The following STXBP5L variants were observed in gnomAD, a reference collection of about 807,000 sequenced individuals.
STXBP5L encodes syntaxin-binding protein 5-like.
Under a neutral mutation model 144.5 loss-of-function variants are expected in STXBP5L, and 65 were observed. That is an observed-to-expected ratio of 0.45 (90% CI 0.37 to 0.55). The LOEUF is 0.55. Ranked by LOEUF, STXBP5L falls within the 20% of genes least tolerant of loss-of-function variation. The pLI is 0.00. For synonymous variants in STXBP5L, 505 were observed against 469.6 expected, an observed-to-expected ratio of 1.08 and a Z score of -0.97; for missense variants, 1,298 against 1,405.5, an observed-to-expected ratio of 0.92 and a Z score of 1.22.
intron 3 of STXBP5L, among the ~76,000 whole-genome samples, chr3:120,996,807 C>T (rs1943384858): frequency 6.6e-6 from 1 of 151,962 alleles, no homozygotes; most frequent in African/African-American, 2.4e-5. Context: ...TCTTGCTTTC[C>T]AACTTTTATT....
chr3:121,406,224 G>A (rs1402501259), intron 22 of STXBP5L, among the ~76,000 whole-genome samples: 1 of 152,004 alleles, frequency 6.6e-6, no homozygotes, highest in African/African-American at 2.4e-5. Context: ...TAGTTTTGAA[G>A]TGGATTTAAA....
At chr3:121,413,685 CTT>C (rs1215342855) in intron 24 of STXBP5L, among the ~76,000 whole-genome samples, 1 of 152,062 alleles carries the variant, frequency 6.6e-6, no homozygotes. Flanking sequence ...TTCAAGAACT[CTT>C]GAAGAAACCT....
At chr3:121,267,825 A>G (rs2050619505) in intron 18 of STXBP5L, among the ~76,000 whole-genome samples, 1 of 152,234 alleles carries the variant, frequency 6.6e-6, no homozygotes, top group East Asian at 1.9e-4. Context: ...ATCACTGGTC[A>G]TTAGAGAAAT....
At chr3:120,962,518 A>G (rs986830799) in intron 3 of STXBP5L, among the ~76,000 whole-genome samples, 4 of 152,158 alleles carry the variant, frequency 2.6e-5, no homozygotes, top group Admixed American at 6.5e-5. Context: ...TCCCAGCATC[A>G]TTTATTAAAT....
rs2044168044 is a variant in STXBP5L, at chr3:121,114,957, A to C, written c.503A>C (p.Lys168Thr). 3 of 1,586,334 alleles carry C rather than the reference A, an allele frequency of 1.9e-6. No homozygotes were observed. Among genetic ancestry groups the C allele is most frequent in the African/African-American group, 1.4e-5 (1 of 73,914 alleles). ...TACTGTCATCTACCTTTCCAGAGTA[A>C]ATGGCTTTATGTTGGAACAGAAAGA... ...ITYCHLPFQSKWLYVGTERGN... is the reference protein window; with the variant it reads ...ITYCHLPFQSTWLYVGTERGN... Residue 168 changes from lysine to threonine, a missense_variant, in exon 6 of 27, where the codon AAA (lysine) becomes ACA (threonine). By Grantham distance (78) the Lys-to-Thr change is moderately conservative. Coordinates refer to ENST00000471454, the MANE Select transcript of STXBP5L (RefSeq NM_001308330.2).
intron 3 of STXBP5L, among the ~76,000 whole-genome samples, chr3:121,009,478 C>T (rs558827074): frequency 3.9e-5 from 6 of 152,090 alleles, no homozygotes; most frequent in African/African-American, 1.4e-4. Context: ...GGGAGGAATT[C>T]CCTTCACCAC....
At chr3:121,012,723 G>A (rs908158669) in intron 3 of STXBP5L, among the ~76,000 whole-genome samples, 1 of 151,816 alleles carries the variant, frequency 6.6e-6, no homozygotes, top group African/African-American at 2.4e-5. Flanking sequence ...ATGTGCATGT[G>A]CAGGTTTGTT....
At chr3:121,096,558 G>A (rs541237513) in intron 5 of STXBP5L, among the ~76,000 whole-genome samples, 9 of 152,092 alleles carry the variant, frequency 5.9e-5, no homozygotes, top group South Asian at 2.1e-4. Flanking sequence ...TGTGCTATTC[G>A]TTTCTGTTTG....
chr3:121,378,069 A>G (rs1046040774), intron 20 of STXBP5L, among the ~76,000 whole-genome samples: 1 of 152,188 alleles, frequency 6.6e-6, no homozygotes, highest in Non-Finnish European at 1.5e-5. Flanking sequence ...TAACACAGGA[A>G]CAGAAAACCA....
chr3:121,265,721 C>T (rs577729173), intron 18 of STXBP5L, among the ~76,000 whole-genome samples: 35 of 152,050 alleles, frequency 2.3e-4, no homozygotes, highest in African/African-American at 8.2e-4. Flanking sequence ...AAATAGACCA[C>T]TAGCCAGATG....
At position 121,407,708 on chromosome 3, in the gene STXBP5L, A is replaced by G. The variant is rs941157885; in HGVS notation, c.2948+105A>G. The G allele has an allele frequency of 1.6e-5, 23 of 1,402,684 alleles. No homozygotes were observed. The African/African-American group carries it at 2.3e-4, about 14-fold the overall frequency. 86.9% of individuals were successfully genotyped at this position (1,402,684 alleles called of 1,614,324 possible). A position where few individuals can be genotyped will look rare whatever the true frequency, so the allele number is the denominator to read the frequency against. On this transcript the variant is annotated intron_variant, in intron 23 of 26. Transcript: ENST00000471454. ...GCAGATGTTATCAAGAAGCAAACTG[A>G]GATTATTGTTTCATTATGTTTCTGG...
intron 5 of STXBP5L, among the ~76,000 whole-genome samples, chr3:121,055,475 G>T (rs186651285): frequency 1.3e-5 from 2 of 152,092 alleles, no homozygotes; most frequent in Admixed American, 1.3e-4. Context: ...GCCTTAGATT[G>T]TTAAGTAATA....
At chr3:121,065,738 A>C (rs1381414354) in intron 5 of STXBP5L, among the ~76,000 whole-genome samples, 1 of 152,138 alleles carries the variant, frequency 6.6e-6, no homozygotes, top group East Asian at 1.9e-4. Context: ...TAAAAAATAT[A>C]TATTATTAGC....
At chr3:120,946,566 A>G (rs1253121635) in intron 2 of STXBP5L, among the ~76,000 whole-genome samples, 2 of 151,684 alleles carry the variant, frequency 1.3e-5, no homozygotes, top group African/African-American at 4.8e-5. Flanking sequence ...TTAGTATAGA[A>G]GGGAAAAATG....
intron 9 of STXBP5L, among the ~76,000 whole-genome samples, chr3:121,176,013 A>G (rs1374641181): frequency 1.3e-5 from 2 of 152,148 alleles, no homozygotes; most frequent in Admixed American, 6.5e-5. Context: ...TCAAGAAGAC[A>G]TAATAATGCT....
At chr3:121,280,036 C>T (rs2051007333) in intron 19 of STXBP5L, 80 bp downstream of exon 19, 1 of 1,486,762 alleles carries the variant, frequency 6.7e-7, no homozygotes, top group East Asian at 2.3e-5. Flanking sequence ...TCTTTCTTCT[C>T]TGATACTATT....
In STXBP5L at chr3:121,278,460, C is replaced by T. The variant is rs144944971; in HGVS notation, c.1959-1345C>T. ...TATAGAATGTCATGCATCCTAGTTG[C>T]CTACATTTTTTCAGTCATTATTGCA... On this transcript the variant is annotated intron_variant, in intron 18 of 26. Coordinates refer to ENST00000471454, the MANE Select transcript of STXBP5L (RefSeq NM_001308330.2). Among the ~76,000 whole-genome samples the T allele has an allele frequency of 1.3e-4, 19 of 151,930 alleles. No individual in the cohort carries two copies. The East Asian group carries it at 1.7e-3, about 14-fold the overall frequency.
chr3:120,961,844 G>A (rs568512475), intron 3 of STXBP5L, among the ~76,000 whole-genome samples: 15 of 152,240 alleles, frequency 9.9e-5, no homozygotes, highest in Non-Finnish European at 1.8e-4. Flanking sequence ...TTGAGGAATC[G>A]CCACACTGTC....
chr3:121,049,551 C>A, intron 5 of STXBP5L: 1 of 154,504 alleles, frequency 6.5e-6, no homozygotes, highest in Non-Finnish European at 1.5e-5. Context: ...TGGTCTGCCT[C>A]TCCCTCTAGA....
Sources: gnomAD v4.1 joint callset for allele counts (sites outside exome capture counted in the v4.1 genomes callset) on GRCh38, gnomAD v4.1.1 for gene constraint, MANE v1.5 for transcripts, NCBI Gene and HGNC (gene_info 2026-07-23, HGNC 2026-07-21) for gene names.